The following TTC28 variants were observed in gnomAD, a reference collection of about 807,000 sequenced individuals.
The protein encoded by TTC28 is tetratricopeptide repeat protein 28.
In TTC28, 61 loss-of-function variants were observed where a neutral mutation model predicts 198.0. The ratio of observed to expected loss-of-function variants is 0.31; its 90% CI spans 0.25 to 0.38. TTC28 has a LOEUF of 0.38. Ranked by LOEUF, TTC28 falls within the 10% of genes least tolerant of loss-of-function variation. The pLI is 1.00. For missense variants in TTC28, 2,678 were observed against 3,164.0 expected (o/e 0.85, Z 3.69); for synonymous variants, 1,171 against 1,297.8 (o/e 0.90, Z 2.10).
intron 1 of TTC28, among the ~76,000 whole-genome samples, chr22:28,638,766 C>T (rs1382453964): frequency 2.6e-5 from 4 of 152,108 alleles, no homozygotes; most frequent in Non-Finnish European, 4.4e-5. Context: ...CCCCTACTAT[C>T]AGAAATAAAA....
chr22:28,505,406 A>G (rs2048597626), intron 2 of TTC28, among the ~76,000 whole-genome samples: 1 of 152,196 alleles, frequency 6.6e-6, no homozygotes, highest in East Asian at 1.9e-4. Flanking sequence ...AGGTCCTCAC[A>G]GTGGAACTGT....
chr22:28,500,385 C>A (rs1254431259), intron 2 of TTC28, among the ~76,000 whole-genome samples: 1 of 152,168 alleles, frequency 6.6e-6, no homozygotes, highest in Non-Finnish European at 1.5e-5. Context: ...ATTAAGATCA[C>A]TTGTTTTAAC....
At chr22:28,245,948 C>T (rs1343643880) in intron 5 of TTC28, among the ~76,000 whole-genome samples, 1 of 152,136 alleles carries the variant, frequency 6.6e-6, no homozygotes, top group East Asian at 1.9e-4. Context: ...TATGCTATTA[C>T]TTCATCTGAA....
chr22:28,239,052 T>C (rs570868281), intron 5 of TTC28, among the ~76,000 whole-genome samples: 1 of 152,318 alleles, frequency 6.6e-6, no homozygotes, highest in East Asian at 1.9e-4. Flanking sequence ...ATTTCCCTTC[T>C]GTCAGGGATC....
At chr22:28,560,733 C>G (rs1281774746) in intron 2 of TTC28, among the ~76,000 whole-genome samples, 3 of 151,870 alleles carry the variant, frequency 2.0e-5, no homozygotes, top group Admixed American at 1.3e-4. Flanking sequence ...CCTAAAATTG[C>G]TACCTCTCCT....
At chr22:28,537,655 T>C (rs1479752722) in intron 2 of TTC28, among the ~76,000 whole-genome samples, 2 of 152,244 alleles carry the variant, frequency 1.3e-5, no homozygotes, top group East Asian at 1.9e-4. Flanking sequence ...TTTACAAAAA[T>C]AGCATAAAAA....
At chr22:28,495,165 GA>G (rs2048436685) in intron 2 of TTC28, among the ~76,000 whole-genome samples, 1 of 152,062 alleles carries the variant, frequency 6.6e-6, no homozygotes, top group Admixed American at 6.5e-5. Context: ...AATCATTAAA[GA>G]AATCATTCAA....
Position 27,979,691 on chromosome 22 carries a change from C to A in TTC28, c.*2530G>T, listed in dbSNP as rs1349295607. 1 of 152,158 alleles carries A rather than the reference C, an allele frequency of 6.6e-6. No homozygotes were observed. Among genetic ancestry groups the A allele is most frequent in the Non-Finnish European group, 1.5e-5 (1 of 68,028 alleles). The allele number at this position is 152,158 out of a possible 1,614,324, so 9.4% of individuals were successfully genotyped here. ...GAAATCTTGGTGAATTATACAATTT[C>A]CTTTAATTCTAAGTGCATACTTTTT... is the stretch of plus-strand genomic sequence containing the variant. On this transcript the variant is annotated 3_prime_UTR_variant, in exon 23 of 23. Coordinates refer to ENST00000397906, the MANE Select transcript of TTC28 (RefSeq NM_001145418.2).
At chr22:28,243,408 GCT>G (rs2147257874) in intron 5 of TTC28, among the ~76,000 whole-genome samples, 1 of 149,414 alleles carries the variant, frequency 6.7e-6, no homozygotes, top group Non-Finnish European at 1.5e-5. Flanking sequence ...TTCATATTTG[GCT>G]CTTTTTTTTC....
At chr22:28,280,483 T>A (rs2044564091) in intron 5 of TTC28, among the ~76,000 whole-genome samples, 1 of 151,918 alleles carries the variant, frequency 6.6e-6, no homozygotes, top group Non-Finnish European at 1.5e-5. Context: ...GGGTTACAGG[T>A]ATGCACCACC....
intron 2 of TTC28, among the ~76,000 whole-genome samples, chr22:28,563,353 C>A (rs2049921147): frequency 6.6e-6 from 1 of 152,020 alleles, no homozygotes; most frequent in South Asian, 2.1e-4. Flanking sequence ...AAATTTAAAT[C>A]AAAAGTCTTC....
intron 2 of TTC28, among the ~76,000 whole-genome samples, chr22:28,613,153 T>C (rs919322825): frequency 2.0e-5 from 3 of 151,266 alleles, no homozygotes; most frequent in African/African-American, 7.3e-5. Context: ...AAAGGGGATA[T>C]CATCACTGAT....
At chr22:28,456,871 G>T (rs2047869463) in intron 2 of TTC28, among the ~76,000 whole-genome samples, 1 of 152,142 alleles carries the variant, frequency 6.6e-6, no homozygotes, top group African/African-American at 2.4e-5. Flanking sequence ...ACCGCACCCG[G>T]CCCATAAATT....
intron 13 of TTC28, among the ~76,000 whole-genome samples, chr22:28,016,368 G>T (rs766505701): frequency 2.0e-5 from 3 of 152,212 alleles, no homozygotes; most frequent in Non-Finnish European, 4.4e-5. Flanking sequence ...GAGACGCTTT[G>T]GCATGACGCG....
chr22:28,022,921 C>A (rs555586340), intron 13 of TTC28, among the ~76,000 whole-genome samples: 9 of 152,378 alleles, frequency 5.9e-5, no homozygotes, highest in African/African-American at 2.2e-4. Context: ...GTGAACACTG[C>A]ATTTTAAGTA....
chr22:28,070,365 G>A (rs1033517821), intron 12 of TTC28, among the ~76,000 whole-genome samples: 8 of 152,154 alleles, frequency 5.3e-5, no homozygotes, highest in Non-Finnish European at 4.4e-5. Flanking sequence ...TGCTGAGATA[G>A]ACAAAAACAG....
At chr22:28,540,954 A>G (rs1739097644) in intron 2 of TTC28, among the ~76,000 whole-genome samples, 2 of 152,216 alleles carry the variant, frequency 1.3e-5, no homozygotes, top group Non-Finnish European at 2.9e-5. Context: ...TTCCATTACC[A>G]TAAAATAAGG....
chr22:28,203,319 C>T (rs2147158644), intron 5 of TTC28, among the ~76,000 whole-genome samples: 1 of 152,214 alleles, frequency 6.6e-6, no homozygotes, highest in Non-Finnish European at 1.5e-5. Flanking sequence ...TAGTACCTAT[C>T]TTCAGGCCTG....
At chr22:28,188,103 G>A (rs925672706) in intron 5 of TTC28, among the ~76,000 whole-genome samples, 1 of 152,154 alleles carries the variant, frequency 6.6e-6, no homozygotes, top group African/African-American at 2.4e-5. Context: ...GGCGGAGGCA[G>A]ACTAGAAAAA....
Sources: allele counts gnomAD v4.1 joint callset (sites outside exome capture counted in the v4.1 genomes callset), GRCh38; gene constraint gnomAD v4.1.1; transcripts MANE v1.5; gene names NCBI Gene and HGNC (gene_info 2026-07-23, HGNC 2026-07-21).